The following ITGA8 variants were observed in gnomAD, a reference collection of about 807,000 sequenced individuals.
ITGA8 encodes integrin alpha-8.
A neutral mutation model predicts 142.3 loss-of-function variants in ITGA8; 91 were observed. The observed-to-expected ratio is 0.64, with a 90% confidence interval of 0.54 to 0.76. ITGA8 has a LOEUF of 0.76. ITGA8 is among the 30% of genes least tolerant of loss of function. The pLI, the probability that ITGA8 is intolerant of heterozygous loss-of-function variation, is 0.00. For synonymous variants in ITGA8, 505 were observed against 485.2 expected, an observed-to-expected ratio of 1.04 and a Z score of -0.54; for missense variants, 1,406 against 1,327.7, an observed-to-expected ratio of 1.06 and a Z score of -0.92.
At chr10:15,640,381 C>T (rs181807227) in intron 13 of ITGA8, among the ~76,000 whole-genome samples, 21 of 152,262 alleles carry the variant, frequency 1.4e-4, no homozygotes, top group Admixed American at 1.3e-3. Context: ...TGTTATCGCT[C>T]TCAGGTGTAT....
At chr10:15,560,528 C>T (rs942601185) in intron 25 of ITGA8, among the ~76,000 whole-genome samples, 7 of 152,124 alleles carry the variant, frequency 4.6e-5, no homozygotes, top group Non-Finnish European at 8.8e-5. Flanking sequence ...TGTAGCAACA[C>T]TATTTATAAT....
At chr10:15,702,160 A>C (rs1835175746) in intron 2 of ITGA8, among the ~76,000 whole-genome samples, 3 of 152,192 alleles carry the variant, frequency 2.0e-5, no homozygotes, top group Admixed American at 6.5e-5. Flanking sequence ...ATTTTGATTA[A>C]ATGAGTATTT....
chr10:15,700,927 A>G (rs1256552367), intron 2 of ITGA8, among the ~76,000 whole-genome samples: 1 of 152,174 alleles, frequency 6.6e-6, no homozygotes, highest in Non-Finnish European at 1.5e-5. Context: ...ATACAATACT[A>G]TATAGGAGTT....
At position 15,607,768 on chromosome 10, in the gene ITGA8, A is replaced by T; in HGVS notation, c.1673T>A (p.Phe558Tyr). 6.2e-7 allele frequency: 1 copy of T among 1,613,458 alleles called. No homozygotes were observed. Among genetic ancestry groups the T allele is most frequent in the South Asian group, 1.1e-5 (1 of 91,066 alleles). Residue 558 changes from phenylalanine (F) to tyrosine (Y), a missense_variant, in exon 17 of 30, where the codon TTC (phenylalanine) becomes TAC (tyrosine). Transcript: ENST00000378076. ...KQKGAIKRTLFLDNHQAHRVF... is the reference protein window; with the variant it reads ...KQKGAIKRTLYLDNHQAHRVF... ...GCGATGAGCCTGATGGTTATCAAGG[A>T]AGAGCGTCCGTTTAATAGCTCCTTT...
Position 15,665,390 on chromosome 10 carries a change from G to C in ITGA8, c.848-4468C>G, listed in dbSNP as rs1232092283. ...TTGTTTTTTTCTCATAAATTTGTTT[G>C]AGTTCATTGTAGATTCTGGATATTA... On this transcript the variant is annotated intron_variant, in intron 8 of 29. Coordinates refer to ENST00000378076, the MANE Select transcript of ITGA8 (RefSeq NM_003638.3). 2.6e-5 allele frequency among the ~76,000 whole-genome samples: 4 copies of C among 151,958 alleles called. No homozygotes were observed. The South Asian group carries it at 6.2e-4, about 24-fold the overall frequency.
chr10:15,616,741 C>G (rs919046972), intron 13 of ITGA8, among the ~76,000 whole-genome samples, 182 bp from the exon 14 acceptor site: 1 of 79,548 alleles, frequency 1.3e-5, no homozygotes. Context: ...TTCACTATAA[C>G]CAACTTAATA....
chr10:15,653,385 C>A (rs552164776), intron 11 of ITGA8, among the ~76,000 whole-genome samples: 26 of 152,248 alleles, frequency 1.7e-4, no homozygotes, highest in Non-Finnish European at 3.5e-4. Context: ...AGATTCAAAG[C>A]AAATTTGAGC....
intron 27 of ITGA8, among the ~76,000 whole-genome samples, chr10:15,532,298 A>G (rs1833320008): frequency 6.6e-6 from 1 of 151,554 alleles, no homozygotes; most frequent in Admixed American, 6.6e-5. Flanking sequence ...GGGTCCCTAT[A>G]ATCCCAGCTA....
intron 13 of ITGA8, among the ~76,000 whole-genome samples, chr10:15,641,579 T>C (rs1272302316): frequency 2.6e-5 from 4 of 152,072 alleles, no homozygotes; most frequent in Middle Eastern, 3.2e-3. Context: ...ATATTCCTAT[T>C]TGAGAGACAG....
rs1402562655 is a variant in ITGA8, at chr10:15,652,782, G to A, written c.1001+2572C>T. Among the ~76,000 whole-genome samples, 5 of 152,244 alleles carry A rather than the reference G, an allele frequency of 3.3e-5. No homozygotes were observed. The South Asian group carries it at 6.2e-4, about 19-fold the overall frequency. On this transcript the variant is annotated intron_variant, in intron 11 of 29. Transcript: ENST00000378076. ...GCAAGCACTGCAATCTCCCTCCACT[G>A]CTATTGCTCATACAGAGTCATTCCA... is the stretch of plus-strand genomic sequence containing the variant.
intron 25 of ITGA8, among the ~76,000 whole-genome samples, chr10:15,558,654 T>A (rs1490730791): frequency 2.0e-5 from 3 of 152,156 alleles, no homozygotes; most frequent in African/African-American, 7.2e-5. Flanking sequence ...GGAAACAGCC[T>A]GATGTGGTCA....
At chr10:15,608,402 TACACACACACAC>T in intron 15 of ITGA8, 112 bp from the exon 16 acceptor site, 1 of 500,104 alleles carries the variant, frequency 2.0e-6, no homozygotes, top group Non-Finnish European at 3.5e-6. Context: ...TATTTCTAAT[TACACACACACAC>T]ACACACACAC....
chr10:15,662,132 C>G (rs1417701220), intron 8 of ITGA8, among the ~76,000 whole-genome samples: 1 of 152,032 alleles, frequency 6.6e-6, no homozygotes, highest in African/African-American at 2.4e-5. Context: ...CATGTGACCA[C>G]AACTCTAAGG....
intron 25 of ITGA8, among the ~76,000 whole-genome samples, chr10:15,570,970 A>G (rs988722522): frequency 2.0e-5 from 3 of 152,244 alleles, no homozygotes; most frequent in Admixed American, 2.0e-4. Flanking sequence ...TAAATGTTAT[A>G]CATTTGCATT....
chr10:15,646,599 G>A (rs1354997946), intron 12 of ITGA8, among the ~76,000 whole-genome samples: 1 of 152,120 alleles, frequency 6.6e-6, no homozygotes, highest in African/African-American at 2.4e-5. Context: ...TCTCTGTGTT[G>A]CATTGTAATC....
intron 13 of ITGA8, among the ~76,000 whole-genome samples, chr10:15,628,277 TTAA>T (rs1236963511): frequency 6.6e-6 from 1 of 151,694 alleles, no homozygotes; most frequent in Non-Finnish European, 1.5e-5. Flanking sequence ...TCTTACTTTC[TTAA>T]TAAACTTCCT....
In ITGA8 at chr10:15,718,809, C is replaced by T. The variant is rs779101150; in HGVS notation, c.300G>A (p.Ala100=). 10 of 1,614,062 alleles carry T rather than the reference C, an allele frequency of 6.2e-6. No individual in the cohort carries two copies. Among genetic ancestry groups the T allele is most frequent in the East Asian group, 4.5e-5 (2 of 44,894 alleles). The change falls in exon 2 of 30, where the codon GCG becomes GCA. Residue 100 remains alanine (A), a synonymous_variant. Transcript: ENST00000378076. ...GGAVYYCPWP[A]EGSAQCRQIP... Reference sequence around the variant, plus strand: ...TCTGCCTGCACTGCGCAGACCCCTCCGCGGGCCAAGGACAGTAATAGACGG... The same window carrying T: ...TCTGCCTGCACTGCGCAGACCCCTCTGCGGGCCAAGGACAGTAATAGACGG...
rs34588118 is a variant in ITGA8, at chr10:15,671,879, CA to C, written c.803-233del. Among the ~76,000 whole-genome samples, 22,540 of 79,908 alleles carry C rather than the reference CA, an allele frequency of 0.28. 1,261 individuals carry two copies. The highest frequency in any genetic ancestry group is 0.34 in the Non-Finnish European group (14,428 of 42,528). 52.4% of individuals were successfully genotyped at this position (79,908 alleles called of 152,430 possible). ...ATCTACTACTTAAGTAGGAGCAAAG[CA>C]AAAAAAAAAAAAAAAAAAAGAGGGA... is the stretch of plus-strand genomic sequence containing the variant. On this transcript the variant is annotated intron_variant, in intron 7 of 29. Coordinates refer to ENST00000378076, the MANE Select transcript of ITGA8 (RefSeq NM_003638.3).
In ITGA8 at chr10:15,631,623, G is replaced by T. The variant is rs189262380; in HGVS notation, c.1399+12407C>A. On this transcript the variant is annotated intron_variant, in intron 13 of 29. Transcript: ENST00000378076. ...GGAGAAATACTTAATGTAGATGACGGGTTGATGGGTGCAGCAAATCACCAT... is the reference window on the plus strand; with the variant it reads ...GGAGAAATACTTAATGTAGATGACGTGTTGATGGGTGCAGCAAATCACCAT... 4.6e-5 allele frequency among the ~76,000 whole-genome samples: 7 copies of T among 151,722 alleles called. No individual in the cohort carries two copies. In the East Asian group the frequency reaches 1.4e-3, roughly 29 times the overall value.
Sources: gnomAD v4.1 joint callset for allele counts (sites outside exome capture counted in the v4.1 genomes callset) on GRCh38, gnomAD v4.1.1 for gene constraint, MANE v1.5 for transcripts, NCBI Gene and HGNC (gene_info 2026-07-23, HGNC 2026-07-21) for gene names.